SLC24A2: variants seen among roughly 807,000 people sequenced by gnomAD.
The protein encoded by SLC24A2 is solute carrier family 24 member 2.
SLC24A2 carries 36 observed loss-of-function variants against 62.0 expected under a neutral mutation model. The ratio of observed to expected loss-of-function variants is 0.58; its 90% CI spans 0.44 to 0.77. The LOEUF (loss-of-function observed/expected upper bound fraction) is 0.77, where lower values mean the gene tolerates loss of function less well. Ranked by LOEUF, SLC24A2 falls within the 30% of genes least tolerant of loss-of-function variation. The pLI is 0.00. For synonymous variants in SLC24A2, 358 were observed against 294.0 expected, an observed-to-expected ratio of 1.22 and a Z score of -2.23; for missense variants, 846 against 817.9, an observed-to-expected ratio of 1.03 and a Z score of -0.42.
chr9:19,515,818 A>G lies in SLC24A2; in HGVS notation c.*335T>C, dbSNP rs1035365335. On this transcript the variant is annotated 3_prime_UTR_variant, in exon 11 of 11. Coordinates refer to ENST00000341998, the MANE Select transcript of SLC24A2 (RefSeq NM_020344.4). ...GTGTGTTCATGTGCGTATATTTATA[A>G]TATGTGTATTTATAGATATATATAG... The G allele has an allele frequency of 2.9e-5, 10 of 345,748 alleles. No individual in the cohort carries two copies. Among genetic ancestry groups the G allele is most frequent in the Non-Finnish European group, 5.1e-5 (9 of 177,680 alleles). The allele number at this position is 345,748 out of a possible 1,614,324, so 21.4% of individuals were successfully genotyped here.
chr9:19,528,277 TACTC>T, intron 8 of SLC24A2, 139 bp from the exon 9 acceptor site: 1 of 699,118 alleles, frequency 1.4e-6, no homozygotes, highest in Non-Finnish European at 2.6e-6. Context: ...CAAAAGACCC[TACTC>T]ACTCCTGATC....
intron 8 of SLC24A2, among the ~76,000 whole-genome samples, chr9:19,543,064 T>C (rs200508779): frequency 6.6e-6 from 1 of 152,114 alleles, no homozygotes; most frequent in African/African-American, 2.4e-5. Flanking sequence ...TTCATCTGGT[T>C]CTGGACTTTG....
At chr9:20,189,768 G>T in the SLC24A2 span, among the ~76,000 whole-genome samples, 1 of 152,122 alleles carries the variant, frequency 6.6e-6, no homozygotes, top group African/African-American at 2.4e-5. Context: ...TCTGCAAATC[G>T]CATTACTTTA....
At chr9:19,695,967 GTCCCT>G (rs2118495803) in intron 2 of SLC24A2, among the ~76,000 whole-genome samples, 1 of 152,244 alleles carries the variant, frequency 6.6e-6, no homozygotes, top group African/African-American at 2.4e-5. Flanking sequence ...GGGGTCCCCA[GTCCCT>G]GGGCTGTGGA....
the SLC24A2 span, among the ~76,000 whole-genome samples, chr9:20,061,994 G>T: frequency 0.16 from 24,175 of 152,136 alleles, 1,917 homozygotes; most frequent in East Asian, 0.22. Flanking sequence ...CCAGTGCTTT[G>T]GGAGGCTAAG....
the SLC24A2 span, among the ~76,000 whole-genome samples, chr9:20,084,955 T>G: frequency 6.6e-6 from 1 of 152,144 alleles, no homozygotes; most frequent in Non-Finnish European, 1.5e-5. Context: ...ACATCTGTAG[T>G]TTTTCTGCAA....
chr9:20,020,076 T>C, the SLC24A2 span, among the ~76,000 whole-genome samples: 2 of 152,284 alleles, frequency 1.3e-5, no homozygotes, highest in African/African-American at 2.4e-5. Context: ...AAACAACAGA[T>C]ACTGGAGAGG....
chr9:20,212,365 T>C, the SLC24A2 span, among the ~76,000 whole-genome samples: 14 of 151,726 alleles, frequency 9.2e-5, no homozygotes, highest in South Asian at 1.0e-3. Flanking sequence ...TAAAATAGGA[T>C]TGGGGCCAGG....
At chr9:19,902,236 G>T in the SLC24A2 span, among the ~76,000 whole-genome samples, 1 of 152,164 alleles carries the variant, frequency 6.6e-6, no homozygotes, top group Non-Finnish European at 1.5e-5. Context: ...AGTTTTTAAG[G>T]CTTCTCTGGG....
chr9:19,970,665 G>A, the SLC24A2 span, among the ~76,000 whole-genome samples: 1 of 152,110 alleles, frequency 6.6e-6, no homozygotes, highest in African/African-American at 2.4e-5. Flanking sequence ...CCCCATAGAA[G>A]TTATAAACTA....
At position 19,596,103 on chromosome 9, in the gene SLC24A2, G is replaced by C. The variant is rs370540548; in HGVS notation, c.1129+1126C>G. On this transcript the variant is annotated intron_variant, in intron 5 of 10. Transcript: ENST00000341998. ...AGGGCTAGCAAAAGAGAAGGGCCTA[G>C]GTGTTGTGCAAAAGCCAGAGTGGAG... 1.1e-4 allele frequency among the ~76,000 whole-genome samples: 16 copies of C among 152,316 alleles called. No individual in the cohort carries two copies. The East Asian group carries it at 2.3e-3, about 22-fold the overall frequency.
chr9:19,907,248 T>C, the SLC24A2 span, among the ~76,000 whole-genome samples: 4 of 152,140 alleles, frequency 2.6e-5, no homozygotes, highest in Admixed American at 1.3e-4. Context: ...TCAATAGATG[T>C]AGAAAAGGCC....
At chr9:19,931,583 T>A in the SLC24A2 span, among the ~76,000 whole-genome samples, 1 of 152,250 alleles carries the variant, frequency 6.6e-6, no homozygotes, top group Admixed American at 6.5e-5. Context: ...CTAAATTGAC[T>A]GAAAAATCTA....
At chr9:20,224,984 C>T in the SLC24A2 span, among the ~76,000 whole-genome samples, 438 of 152,104 alleles carry the variant, frequency 2.9e-3, 1 homozygote, top group African/African-American at 0.01. Flanking sequence ...AGTCAGGGGC[C>T]CCCTCCTCCA....
At chr9:19,772,642 A>C (rs916916615) in intron 2 of SLC24A2, among the ~76,000 whole-genome samples, 2 of 152,166 alleles carry the variant, frequency 1.3e-5, no homozygotes, top group African/African-American at 2.4e-5. Context: ...ATGCAAACCA[A>C]AATCATGAGG....
At chr9:19,673,745 C>G (rs1819486419) in intron 2 of SLC24A2, among the ~76,000 whole-genome samples, 1 of 152,130 alleles carries the variant, frequency 6.6e-6, no homozygotes, top group South Asian at 2.1e-4. Context: ...CCACTGCGCC[C>G]AGACGTGAGT....
intron 2 of SLC24A2, among the ~76,000 whole-genome samples, chr9:19,661,130 T>G (rs186269679): frequency 6.6e-6 from 1 of 152,250 alleles, no homozygotes; most frequent in East Asian, 1.9e-4. Context: ...TGTGAGTCTA[T>G]GGGCTTGCTG....
At chr9:19,574,064 G>A (rs534646210) in intron 6 of SLC24A2, among the ~76,000 whole-genome samples, 9 of 152,206 alleles carry the variant, frequency 5.9e-5, no homozygotes, top group African/African-American at 2.2e-4. Flanking sequence ...CTGGGACTTG[G>A]GAATCTTATC....
intron 2 of SLC24A2, among the ~76,000 whole-genome samples, chr9:19,642,482 T>C (rs978016607): frequency 1.3e-5 from 2 of 151,980 alleles, no homozygotes; most frequent in African/African-American, 2.4e-5. Flanking sequence ...TGTACAAAAA[T>C]CACAGGGTCA....
Sources: allele counts gnomAD v4.1 joint callset (sites outside exome capture counted in the v4.1 genomes callset), GRCh38; gene constraint gnomAD v4.1.1; transcripts MANE v1.5; gene names NCBI Gene and HGNC (gene_info 2026-07-23, HGNC 2026-07-21).